The following CCDC197 variants were observed in gnomAD, a reference collection of about 807,000 sequenced individuals.
The protein encoded by CCDC197 is coiled-coil domain containing 197, also known as uncharacterized protein CCDC197.
Under a neutral mutation model 13.4 loss-of-function variants are expected in CCDC197, and 24 were observed. The observed-to-expected ratio is 1.80, with a 90% confidence interval of 1.30 to 2.53. The LOEUF (loss-of-function observed/expected upper bound fraction) is 2.53, where lower values mean the gene tolerates loss of function less well. Among genes scored for constraint, CCDC197 ranks in the 30% most tolerant of loss-of-function variants. The probability of loss-of-function intolerance (pLI) is 0.00; values close to 1 mark genes in which losing one functional copy is unlikely to be tolerated. For synonymous variants in CCDC197, 99 were observed against 55.5 expected (o/e 1.78, Z -3.48); for missense variants, 255 against 148.8 (o/e 1.71, Z -3.71).
At chr14:93,993,993 C>T (rs1248988450), upstream of CCDC197, among the ~76,000 whole-genome samples, 1 of 152,118 alleles carries the variant, frequency 6.6e-6, no homozygotes, top group East Asian at 1.9e-4. Flanking sequence ...CTTGAGTCTT[C>T]CCCTAATTAG....
At chr14:94,000,856 T>G in intron 3 of CCDC197, 1 of 297,808 alleles carries the variant, frequency 3.4e-6, no homozygotes, top group Non-Finnish European at 6.1e-6. Context: ...AACATCTCCT[T>G]GAGGGCAGTC....
chr14:94,002,785 G>T (rs1156715312), intron 4 of CCDC197, among the ~76,000 whole-genome samples: 1 of 150,764 alleles, frequency 6.6e-6, no homozygotes, highest in East Asian at 2.0e-4. Context: ...CCCAGGAGGC[G>T]GAGGTCGCAG....
rs977987230 is a variant in CCDC197, at chr14:94,003,668, C to T, written c.498+314C>T. Among the ~76,000 whole-genome samples the T allele has an allele frequency of 1.3e-5, 2 of 152,006 alleles. No individual in the cohort carries two copies. The highest frequency in any genetic ancestry group is 4.8e-5 in the African/African-American group (2 of 41,390). Reference sequence around the variant, plus strand: ...ACACGCACAGACACACAGACACATACACACACAAAGACACATGCAGAGACA... The same window carrying T: ...ACACGCACAGACACACAGACACATATACACACAAAGACACATGCAGAGACA... On this transcript the variant is annotated intron_variant, in intron 5 of 6. Coordinates refer to ENST00000636493, the MANE Select transcript of CCDC197 (RefSeq NM_001351596.2). This position sits in a 1 kb window ranked among gnomAD's most constrained non-coding sequence, Gnocchi z 5.0.
At position 94,003,363 on chromosome 14, in the gene CCDC197, A is replaced by G. The variant is rs1890589301; in HGVS notation, c.498+9A>G. 2.0e-6 allele frequency: 1 copy of G among 491,832 alleles called. No individual in the cohort carries two copies. The highest frequency in any genetic ancestry group is 6.5e-5 in the East Asian group (1 of 15,370). The allele number at this position is 491,832 out of a possible 1,614,324, so 30.5% of individuals were successfully genotyped here. A position where few individuals can be genotyped will look rare whatever the true frequency, so the allele number is the denominator to read the frequency against. ...CCAGCAGCAGCTATAATGTGAGTCC[A>G]GTCTTTCAGCCTGGGGGTGGGGTTA... On this transcript the variant is annotated intron_variant, in intron 5 of 6. Transcript: ENST00000636493. This position sits in a 1 kb window ranked among gnomAD's most constrained non-coding sequence, Gnocchi z 5.0.
chr14:93,987,788 C>T (rs761226377), intron 1 of CCDC197, among the ~76,000 whole-genome samples: 42 of 151,970 alleles, frequency 2.8e-4, no homozygotes, highest in Admixed American at 5.9e-4. Flanking sequence ...GAGACGAGTG[C>T]CCAGAAAGTG....
upstream of CCDC197, among the ~76,000 whole-genome samples, chr14:93,997,042 T>G (rs952129326): frequency 6.6e-6 from 1 of 152,234 alleles, no homozygotes; most frequent in African/African-American, 2.4e-5. Flanking sequence ...CAATTGGAAC[T>G]GGGCAGCACA....
intron 1 of CCDC197, among the ~76,000 whole-genome samples, chr14:93,992,235 C>T (rs1462453776): frequency 1.3e-5 from 2 of 152,044 alleles, no homozygotes. Context: ...CCGCAGGGGA[C>T]AGGAGCAGAA....
chr14:93,999,511 C>A, intron 2 of CCDC197, 72 bp from the exon 3 acceptor site: 1 of 769,946 alleles, frequency 1.3e-6, no homozygotes, highest in South Asian at 1.4e-5. Flanking sequence ...AGAGGGTGGT[C>A]CAGGTTCATT....
Position 94,008,679 on chromosome 14 carries a change from C to T in CCDC197, c.686C>T (p.Ser229Leu). Residue 229 changes from serine to leucine, a missense_variant, in exon 7 of 7, where the codon TCA becomes TTA. Coordinates refer to ENST00000636493, the MANE Select transcript of CCDC197 (RefSeq NM_001351596.2). ...ALLTEPKVCW[S>L]WDSFGDQWLR... Reference sequence around the variant, plus strand: ...CTCACGGAACCCAAAGTGTGCTGGTCATGGGACAGCTTCGGGGACCAGTGG... The same window carrying T: ...CTCACGGAACCCAAAGTGTGCTGGTTATGGGACAGCTTCGGGGACCAGTGG... 2.8e-6 allele frequency: 2 copies of T among 703,042 alleles called. No individual in the cohort carries two copies. The highest frequency in any genetic ancestry group is 5.2e-6 in the Non-Finnish European group (2 of 385,014). 43.6% of individuals were successfully genotyped at this position (703,042 alleles called of 1,614,324 possible). A position where few individuals can be genotyped will look rare whatever the true frequency, so the allele number is the denominator to read the frequency against.
chr14:94,008,496 G>A lies in CCDC197; in HGVS notation c.616-113G>A, dbSNP rs187625773. 588 of 639,076 alleles carry A rather than the reference G, an allele frequency of 9.2e-4. 3 individuals are homozygous for A. Among genetic ancestry groups the A allele is most frequent in the African/African-American group, 7.3e-3 (406 of 55,846 alleles). 39.6% of individuals were successfully genotyped at this position (639,076 alleles called of 1,614,324 possible). A position where few individuals can be genotyped will look rare whatever the true frequency, so the allele number is the denominator to read the frequency against. ...ATTGATACCACATCCTTTGCAGGGC[G>A]CTTGTGAGAGTTAAAGGAGAAGTAG... is the stretch of plus-strand genomic sequence containing the variant. On this transcript the variant is annotated intron_variant, in intron 6 of 6. Coordinates refer to ENST00000636493, the MANE Select transcript of CCDC197 (RefSeq NM_001351596.2).
intron 6 of CCDC197, 23 bp downstream of exon 6, chr14:94,004,994 G>A (rs913725764): frequency 1.4e-5 from 10 of 699,536 alleles, no homozygotes; most frequent in South Asian, 4.5e-5. Flanking sequence ...AGATGGCTGC[G>A]GGGCTCCTGA....
At chr14:94,004,348 C>T (rs964912116) in intron 5 of CCDC197, among the ~76,000 whole-genome samples, 8 of 152,210 alleles carry the variant, frequency 5.3e-5, no homozygotes, top group African/African-American at 1.9e-4. Flanking sequence ...AGTGTGAGAC[C>T]TGCTCAGGTC....
Position 93,999,872 on chromosome 14 carries a change from C to T in CCDC197, c.187+207C>T, listed in dbSNP as rs544389628. ...CCAACTCCAGCTCCACTGTCGCTAA[C>T]AGTGTGGCCTCTGGCAAGTTCTCAA... On this transcript the variant is annotated intron_variant, in intron 3 of 6. Transcript: ENST00000636493. 2.0e-5 allele frequency among the ~76,000 whole-genome samples: 3 copies of T among 152,324 alleles called. No homozygotes were observed. The East Asian group carries it at 5.8e-4, about 29-fold the overall frequency.
rs1355201495 is a variant in CCDC197 at position 93,998,068 on chromosome 14, C to T, written c.-64C>T. On this transcript the variant is annotated 5_prime_UTR_variant, in exon 2 of 7. Transcript: ENST00000636493. ...GCGGCTGTGACTGTCCCTTTTCGGT[C>T]TGTCTTCATCCTGCCTGACTCACGG... 1 of 771,130 alleles carries T rather than the reference C, an allele frequency of 1.3e-6. No homozygotes were observed. The highest frequency in any genetic ancestry group is 2.4e-6 in the Non-Finnish European group (1 of 413,126). The allele number at this position is 771,130 out of a possible 1,614,324, so 47.8% of individuals were successfully genotyped here.
At chr14:94,001,392 C>G (rs1890502878) in intron 4 of CCDC197, 69 bp downstream of exon 4, 1 of 654,392 alleles carries the variant, frequency 1.5e-6, no homozygotes, top group Admixed American at 2.4e-5. Context: ...GCCCCCTTTC[C>G]TGCATAGCCC....
rs1172678516 is a variant in CCDC197, at chr14:94,001,155, A to G, written c.198A>G (p.Gly66=). The G allele has an allele frequency of 5.1e-6, 4 of 779,120 alleles. No homozygotes were observed. The highest frequency in any genetic ancestry group is 9.6e-6 in the Non-Finnish European group (4 of 417,280). 48.3% of individuals were successfully genotyped at this position (779,120 alleles called of 1,614,324 possible). A position where few individuals can be genotyped will look rare whatever the true frequency, so the allele number is the denominator to read the frequency against. ...VLEKIPEGCT[G]WEEPEEVLVE... ...GCGCTGTCTCCGTAGGCTGCACGGGATGGGAGGAGCCGGAGGAGGTGCTGG... is the reference window on the plus strand; with the variant it reads ...GCGCTGTCTCCGTAGGCTGCACGGGGTGGGAGGAGCCGGAGGAGGTGCTGG... Residue 66 remains glycine, a synonymous_variant, in exon 4 of 7, where the codon GGA becomes GGG. Coordinates refer to ENST00000636493, the MANE Select transcript of CCDC197 (RefSeq NM_001351596.2).
At chr14:93,997,791 T>C (rs1890363057) in intron 1 of CCDC197, among the ~76,000 whole-genome samples, 6 of 152,144 alleles carry the variant, frequency 3.9e-5, no homozygotes, top group Admixed American at 3.9e-4. Context: ...AACTGAAGAC[T>C]TGGGGGTGAT....
upstream of CCDC197, among the ~76,000 whole-genome samples, chr14:93,996,800 C>T (rs1354093576): frequency 1.3e-5 from 2 of 152,210 alleles, no homozygotes; most frequent in East Asian, 1.9e-4. Flanking sequence ...CCCACCCCAC[C>T]TTCCCCGGTG....
At chr14:94,002,839 G>A (rs1360665000) in intron 4 of CCDC197, among the ~76,000 whole-genome samples, 2 of 139,996 alleles carry the variant, frequency 1.4e-5, no homozygotes, top group African/African-American at 5.5e-5. Flanking sequence ...GGCAAAAAGA[G>A]TGAGACTGTC....
Sources: gnomAD v4.1 joint callset for allele counts (sites outside exome capture counted in the v4.1 genomes callset) on GRCh38, gnomAD v4.1.1 for gene constraint, Gnocchi (gnomAD v3.1) non-coding constraint, MANE v1.5 for transcripts, NCBI Gene and HGNC (gene_info 2026-07-23, HGNC 2026-07-21) for gene names.